The following PHLDB2 variants were observed in gnomAD, a reference collection of about 807,000 sequenced individuals.
The protein encoded by PHLDB2 is pleckstrin homology-like domain family B member 2.
Under a neutral mutation model 123.6 loss-of-function variants are expected in PHLDB2, and 71 were observed. The observed-to-expected ratio is 0.57, with a 90% confidence interval of 0.47 to 0.70. The LOEUF is 0.70. Among genes scored for constraint, PHLDB2 ranks in the 30% least tolerant of loss-of-function variants. The pLI, the probability that PHLDB2 is intolerant of heterozygous loss-of-function variation, is 0.00. For synonymous variants in PHLDB2, 547 were observed against 541.6 expected (o/e 1.01, Z -0.14); for missense variants, 1,446 against 1,519.5 (o/e 0.95, Z 0.80).
chr3:111,827,685 C>CAAAAAAAAAAAAA (rs565813163), intron 1 of PHLDB2, among the ~76,000 whole-genome samples: 1 of 73,172 alleles, frequency 1.4e-5, no homozygotes, highest in Non-Finnish European at 3.0e-5. Context: ...GAATCCGTCT[C>CAAAAAAAAAAAAA]AAAAAAAAAA....
At chr3:111,843,435 G>A (rs1235659522) in intron 1 of PHLDB2, among the ~76,000 whole-genome samples, 1 of 152,212 alleles carries the variant, frequency 6.6e-6, no homozygotes, top group Non-Finnish European at 1.5e-5. Flanking sequence ...CTGTTGCCCA[G>A]GCTGGAGCAC....
At chr3:111,770,829 A>G (rs559729687) in intron 1 of PHLDB2, among the ~76,000 whole-genome samples, 9 of 152,346 alleles carry the variant, frequency 5.9e-5, no homozygotes, top group African/African-American at 9.6e-5. Context: ...GGGAGACAAG[A>G]ATAAAAATCC....
intron 9 of PHLDB2, among the ~76,000 whole-genome samples, chr3:111,947,244 T>C (rs1342829713): frequency 6.6e-6 from 1 of 152,222 alleles, no homozygotes; most frequent in African/African-American, 2.4e-5. Flanking sequence ...TCCTTTTCTG[T>C]TAATGAGTTG....
chr3:111,922,291 C>G (rs1320667579), intron 5 of PHLDB2, among the ~76,000 whole-genome samples: 1 of 152,174 alleles, frequency 6.6e-6, no homozygotes, highest in Non-Finnish European at 1.5e-5. Flanking sequence ...ATATCAGATT[C>G]TACACAAAAG....
At position 111,922,202 on chromosome 3, in the gene PHLDB2, T is replaced by G. The variant is rs139171881; in HGVS notation, c.2001+1783T>G. On this transcript the variant is annotated intron_variant, in intron 5 of 17. Transcript: ENST00000431670. ...ATGTTCCCTGTGAACCCTCCTGCCA[T>G]CCTAATCCATGTAGTTATTTATTTT... Among the ~76,000 whole-genome samples the G allele has an allele frequency of 4.6e-3, 701 of 152,390 alleles. 12 individuals are homozygous for G. The highest frequency in any genetic ancestry group is 0.016 in the African/African-American group (651 of 41,600).
intron 1 of PHLDB2, among the ~76,000 whole-genome samples, chr3:111,784,885 A>AT (rs2060620372): frequency 6.6e-6 from 1 of 151,988 alleles, no homozygotes; most frequent in Non-Finnish European, 1.5e-5. Context: ...TAAAAACTTT[A>AT]TTTTTTCTAT....
At chr3:111,973,308 T>C (rs1251209995) in intron 16 of PHLDB2, among the ~76,000 whole-genome samples, 1 of 152,174 alleles carries the variant, frequency 6.6e-6, no homozygotes, top group Non-Finnish European at 1.5e-5. Flanking sequence ...TTATTTTAAA[T>C]AACAAGTCAA....
In PHLDB2 at chr3:111,845,354, C is replaced by CAAAAAAAAAAA. The variant is rs745585464; in HGVS notation, c.-48-446_-48-436dup. On this transcript the variant is annotated intron_variant, in intron 1 of 17. Coordinates refer to the PHLDB2 transcript ENST00000393923. Reference sequence around the variant, plus strand: ...TGGGTGACAGAGCAAGACTCTGTCTCAAAAAAAAAAAAAAAAAAAAAAAAA... The same window carrying CAAAAAAAAAAA: ...TGGGTGACAGAGCAAGACTCTGTCTCAAAAAAAAAAAAAAAAAAAAAAAAAAAAAAAAAAAA... 2.3e-4 allele frequency among the ~76,000 whole-genome samples: 9 copies of CAAAAAAAAAAA among 39,160 alleles called. 1 individual carries two copies. The highest frequency in any genetic ancestry group is 5.1e-4 in the Admixed American group (1 of 1,948). The allele number at this position is 39,160 out of a possible 152,430, so 25.7% of individuals were successfully genotyped here. A position where few individuals can be genotyped will look rare whatever the true frequency, so the allele number is the denominator to read the frequency against.
intron 14 of PHLDB2, 125 bp from the exon 15 acceptor site, chr3:111,967,553 T>C: frequency 4.1e-6 from 4 of 985,364 alleles, no homozygotes; most frequent in Non-Finnish European, 5.6e-6. Flanking sequence ...GTAGGTTATG[T>C]ATTATAAGAG....
intron 1 of PHLDB2, among the ~76,000 whole-genome samples, chr3:111,748,590 C>T (rs1174608314): frequency 5.3e-5 from 8 of 152,142 alleles, no homozygotes; most frequent in African/African-American, 1.4e-4. Flanking sequence ...GGCGCGATCT[C>T]GGCTCACTGC....
chr3:111,924,006 C>A (rs775363258), intron 5 of PHLDB2, among the ~76,000 whole-genome samples: 1 of 152,146 alleles, frequency 6.6e-6, no homozygotes, highest in Non-Finnish European at 1.5e-5. Context: ...CTTTCTGTCA[C>A]CACCCTCCCA....
intron 1 of PHLDB2, among the ~76,000 whole-genome samples, chr3:111,803,022 AG>A (rs2061434693): frequency 1.3e-5 from 2 of 152,270 alleles, no homozygotes; most frequent in African/African-American, 4.8e-5. Flanking sequence ...TAATGAGTAT[AG>A]GGGATGTTGT....
chr3:111,766,703 G>A (rs9825915), intron 1 of PHLDB2, among the ~76,000 whole-genome samples: 3 of 151,742 alleles, frequency 2.0e-5, no homozygotes, highest in Non-Finnish European at 2.9e-5. Context: ...TAGGTAGTGC[G>A]GGCTGCAGAG....
intron 1 of PHLDB2, among the ~76,000 whole-genome samples, chr3:111,871,951 C>T (rs2065360174): frequency 6.6e-6 from 1 of 152,178 alleles, no homozygotes; most frequent in Admixed American, 6.5e-5. Flanking sequence ...CTGTGACTTT[C>T]TGTGGATATC....
chr3:111,859,897 C>G lies in PHLDB2; in HGVS notation c.-15+321C>G. 3.1e-6 allele frequency: 3 copies of G among 983,202 alleles called. No homozygotes were observed. In the South Asian group the frequency reaches 1.4e-4, roughly 46 times the overall value. The allele number at this position is 983,202 out of a possible 1,614,324, so 60.9% of individuals were successfully genotyped here. A position where few individuals can be genotyped will look rare whatever the true frequency, so the allele number is the denominator to read the frequency against. On this transcript the variant is annotated intron_variant, in intron 1 of 17. Transcript: ENST00000431670. The stretch of plus-strand genomic sequence containing the variant: ...TGAGACGGTGAGTGGGCTCCGGGGA[C>G]ACAGAGTTTCTTTGCTTCTTTACAG...
chr3:111,841,522 C>T (rs181809488), intron 1 of PHLDB2, among the ~76,000 whole-genome samples: 1 of 152,316 alleles, frequency 6.6e-6, no homozygotes, highest in African/African-American at 2.4e-5. Flanking sequence ...GGCATTGTCT[C>T]TCTATCTAAC....
intron 1 of PHLDB2, among the ~76,000 whole-genome samples, chr3:111,748,792 G>T (rs1201533528): frequency 6.6e-6 from 1 of 152,088 alleles, no homozygotes; most frequent in Non-Finnish European, 1.5e-5. Context: ...AAAGTGCTGG[G>T]ATTACAGGCG....
At position 111,953,989 on chromosome 3, in the gene PHLDB2, A is replaced by T. The variant is rs773085133; in HGVS notation, c.2832A>T (p.Ala944=). The change falls in exon 12 of 18, where the codon GCA becomes GCT. Residue 944 remains alanine (A), a synonymous_variant. Transcript: ENST00000431670. Reference sequence around the variant, plus strand: ...GAAGTGTGCTCCCTCCCTCACTGGCAGCCATGGCCAAAGACTCAGAATCTC... The same window carrying T: ...GAAGTGTGCTCCCTCCCTCACTGGCTGCCATGGCCAAAGACTCAGAATCTC... The part of the protein sequence containing the change: ...SCGSVLPPSL[A]AMAKDSESRR... 1 of 1,613,642 alleles carries T rather than the reference A, an allele frequency of 6.2e-7. No homozygotes were observed. The highest frequency in any genetic ancestry group is 8.5e-7 in the Non-Finnish European group (1 of 1,179,766).
intron 1 of PHLDB2, among the ~76,000 whole-genome samples, chr3:111,787,955 T>G (rs545400995): frequency 6.6e-6 from 1 of 152,310 alleles, no homozygotes; most frequent in South Asian, 2.1e-4. Context: ...TCAGTAAATA[T>G]ATTAGAAATA....
Sources: gnomAD v4.1 joint callset for allele counts (sites outside exome capture counted in the v4.1 genomes callset) on GRCh38, gnomAD v4.1.1 for gene constraint, MANE v1.5 for transcripts, NCBI Gene and HGNC (gene_info 2026-07-23, HGNC 2026-07-21) for gene names.